GRM8: variants seen among roughly 807,000 people sequenced by gnomAD.
GRM8 encodes glutamate metabotropic receptor 8.
A neutral mutation model predicts 87.2 loss-of-function variants in GRM8; 47 were observed. The ratio of observed to expected loss-of-function variants is 0.54; its 90% CI spans 0.43 to 0.69. The LOEUF is 0.69. Ranked by LOEUF, GRM8 falls within the 30% of genes least tolerant of loss-of-function variation. The pLI is 0.00. For synonymous variants in GRM8, 396 were observed against 404.5 expected, an observed-to-expected ratio of 0.98 and a Z score of 0.25; for missense variants, 1,019 against 1,139.2, an observed-to-expected ratio of 0.89 and a Z score of 1.52.
At chr7:126,567,023 A>T (rs943145061) in intron 8 of GRM8, among the ~76,000 whole-genome samples, 6 of 152,144 alleles carry the variant, frequency 3.9e-5, no homozygotes, top group African/African-American at 9.7e-5. Flanking sequence ...CACTTATATG[A>T]GTCGAATCAT....
chr7:126,545,666 T>G (rs1296337887), intron 8 of GRM8, among the ~76,000 whole-genome samples: 2 of 152,170 alleles, frequency 1.3e-5, no homozygotes, highest in African/African-American at 4.8e-5. Context: ...ATGTTATACA[T>G]AAATAATTAC....
intron 9 of GRM8, among the ~76,000 whole-genome samples, chr7:126,525,107 AAGATTACTG>A (rs1184360631): frequency 2.6e-5 from 4 of 152,130 alleles, no homozygotes; most frequent in Non-Finnish European, 5.9e-5. Flanking sequence ...TTGCATGACA[AAGATTACTG>A]GTGGGGTCTG....
intron 3 of GRM8, among the ~76,000 whole-genome samples, chr7:127,001,626 T>C (rs1054212697): frequency 2.0e-5 from 3 of 151,688 alleles, no homozygotes; most frequent in African/African-American, 7.3e-5. Flanking sequence ...AGTAAAATAT[T>C]GCCACTACTT....
rs117408797 is a variant in GRM8, at chr7:127,190,312, A to G, written c.510+52383T>C. Reference sequence around the variant, plus strand: ...CACACAGCAGAGCCCAGGAACAGAGAATTGTTAATATGTCCTGCCTTTGGA... The same window carrying G: ...CACACAGCAGAGCCCAGGAACAGAGGATTGTTAATATGTCCTGCCTTTGGA... On this transcript the variant is annotated intron_variant, in intron 2 of 10. Transcript: ENST00000339582. Among the ~76,000 whole-genome samples, 1,409 of 152,244 alleles carry G rather than the reference A, an allele frequency of 9.3e-3. 7 individuals carry two copies. The highest frequency in any genetic ancestry group is 0.014 in the Non-Finnish European group (951 of 68,014).
intron 8 of GRM8, among the ~76,000 whole-genome samples, chr7:126,571,575 T>C (rs182307783): frequency 3.3e-5 from 5 of 152,180 alleles, no homozygotes; most frequent in South Asian, 4.2e-4. Context: ...GCCCTTCCCA[T>C]AGGAACAAAT....
chr7:126,988,223 A>T (rs1812305811), intron 3 of GRM8, among the ~76,000 whole-genome samples: 1 of 152,222 alleles, frequency 6.6e-6, no homozygotes. Flanking sequence ...ATGCGAAATG[A>T]CGTGCGTCAT....
intron 7 of GRM8, among the ~76,000 whole-genome samples, chr7:126,765,188 G>A (rs879524937): frequency 2.0e-5 from 3 of 152,044 alleles, no homozygotes; most frequent in Admixed American, 1.3e-4. Flanking sequence ...GAGATCCTCT[G>A]CTATCCTGTG....
Position 126,453,824 on chromosome 7 carries a change from A to ATAG in GRM8, c.2431-7455_2431-7453dup, listed in dbSNP as rs576938563. Among the ~76,000 whole-genome samples, 243 of 151,930 alleles carry ATAG rather than the reference A, an allele frequency of 1.6e-3. 2 individuals carry two copies. Among genetic ancestry groups the ATAG allele is most frequent in the African/African-American group, 5.4e-3 (226 of 41,522 alleles). On this transcript the variant is annotated intron_variant, in intron 9 of 10. Coordinates refer to ENST00000339582, the MANE Select transcript of GRM8 (RefSeq NM_000845.3). ...ATATATGAGAATTATTTACAGAAAT[A>ATAG]TAGTAAATAAGTAAACTGATGTTGC...
At chr7:126,961,149 A>C (rs896182656) in intron 3 of GRM8, among the ~76,000 whole-genome samples, 1 of 152,240 alleles carries the variant, frequency 6.6e-6, no homozygotes, top group Non-Finnish European at 1.5e-5. Context: ...CTTTAAATGA[A>C]GATAACAGAA....
intron 6 of GRM8, among the ~76,000 whole-genome samples, chr7:126,838,792 T>C (rs1325151584): frequency 6.6e-6 from 1 of 152,196 alleles, no homozygotes; most frequent in Non-Finnish European, 1.5e-5. Flanking sequence ...AAATGTTAAC[T>C]CACGGCTCAC....
chr7:126,852,116 C>T (rs905483121), intron 6 of GRM8, among the ~76,000 whole-genome samples: 4 of 152,084 alleles, frequency 2.6e-5, no homozygotes, highest in Admixed American at 2.0e-4. Context: ...CGATCTCATT[C>T]GTGGATGGAG....
At chr7:126,964,909 C>T (rs756863145) in intron 3 of GRM8, among the ~76,000 whole-genome samples, 39 of 152,114 alleles carry the variant, frequency 2.6e-4, no homozygotes, top group Non-Finnish European at 5.3e-4. Context: ...GGAACCAACC[C>T]AAATGCCCAT....
intron 3 of GRM8, among the ~76,000 whole-genome samples, chr7:126,965,077 A>G (rs1221402363): frequency 6.6e-6 from 1 of 152,154 alleles, no homozygotes; most frequent in Non-Finnish European, 1.5e-5. Context: ...CAAACACCAC[A>G]TGTTCTCACT....
intron 9 of GRM8, among the ~76,000 whole-genome samples, chr7:126,518,481 G>T (rs1812499524): frequency 6.6e-6 from 1 of 151,984 alleles, no homozygotes; most frequent in Admixed American, 6.6e-5. Context: ...ACTGAGTACT[G>T]GGCATCCTTT....
At chr7:126,728,324 C>T (rs1268973357) in intron 7 of GRM8, among the ~76,000 whole-genome samples, 1 of 152,184 alleles carries the variant, frequency 6.6e-6, no homozygotes, top group Admixed American at 6.5e-5. Context: ...GGAATGCTAT[C>T]TGTGCAGAAC....
chr7:126,566,951 C>T (rs948644592), intron 8 of GRM8, among the ~76,000 whole-genome samples: 1 of 152,136 alleles, frequency 6.6e-6, no homozygotes, highest in East Asian at 1.9e-4. Flanking sequence ...TGCATGATCT[C>T]ACTCCTATGT....
intron 7 of GRM8, among the ~76,000 whole-genome samples, chr7:126,750,007 A>C (rs541356317): frequency 1.3e-4 from 20 of 152,166 alleles, no homozygotes; most frequent in Non-Finnish European, 2.8e-4. Flanking sequence ...CAAGAGAAAC[A>C]AAAGCATATA....
chr7:126,907,264 G>GAGGAGGAAGAGAA (rs1802801858), intron 3 of GRM8, among the ~76,000 whole-genome samples: 2 of 46,554 alleles, frequency 4.3e-5, no homozygotes, highest in African/African-American at 1.7e-4. Context: ...TAAGAGAAAG[G>GAGGAGGAAGAGAA]AGGAGGAGGA....
intron 7 of GRM8, among the ~76,000 whole-genome samples, chr7:126,707,593 T>C (rs974771689): frequency 1.3e-5 from 2 of 152,132 alleles, no homozygotes; most frequent in African/African-American, 4.8e-5. Flanking sequence ...CTGATGGAAC[T>C]AAATAGAGAA....
Sources: gnomAD v4.1 joint callset for allele counts (sites outside exome capture counted in the v4.1 genomes callset) on GRCh38, gnomAD v4.1.1 for gene constraint, MANE v1.5 for transcripts, NCBI Gene and HGNC (gene_info 2026-07-23, HGNC 2026-07-21) for gene names.